TAMALIN: variants seen among roughly 807,000 people sequenced by gnomAD.
TAMALIN encodes the protein protein TAMALIN.
A neutral mutation model predicts 38.5 loss-of-function variants in TAMALIN; 9 were observed. The ratio of observed to expected loss-of-function variants is 0.23; its 90% CI spans 0.14 to 0.41. TAMALIN has a LOEUF of 0.41. Among genes scored for constraint, TAMALIN ranks in the 10% least tolerant of loss-of-function variants. The probability of loss-of-function intolerance (pLI) is 1.00; values close to 1 mark genes in which losing one functional copy is unlikely to be tolerated. For synonymous variants in TAMALIN, 306 were observed against 256.5 expected, an observed-to-expected ratio of 1.19 and a Z score of -1.85; for missense variants, 548 against 554.1, an observed-to-expected ratio of 0.99 and a Z score of 0.11.
intron 1 of TAMALIN, chr12:52,008,511 T>C (rs1042184612): frequency 3.3e-5 from 32 of 979,212 alleles, no homozygotes; most frequent in Non-Finnish European, 3.7e-5. Flanking sequence ...AAGCACAAAA[T>C]ATATGGCAAT....
Position 52,007,508 on chromosome 12 carries a change from C to G in TAMALIN, c.246+243C>G. On this transcript the variant is annotated intron_variant, in intron 1 of 7. Transcript: ENST00000293662. This position sits in a 1 kb window ranked among gnomAD's most constrained non-coding sequence, Gnocchi z 6.7. ...CCCATGCACGCCCCCTCTCTCCCTC[C>G]TTGACTCCTCCCAGCACCCCCCTTC... 1.0e-6 allele frequency: 1 copy of G among 984,308 alleles called. No homozygotes were observed. Among genetic ancestry groups the G allele is most frequent in the Non-Finnish European group, 1.2e-6 (1 of 829,044 alleles). The allele number at this position is 984,308 out of a possible 1,614,324, so 61.0% of individuals were successfully genotyped here. A position where few individuals can be genotyped will look rare whatever the true frequency, so the allele number is the denominator to read the frequency against.
At chr12:52,010,514 A>G in intron 2 of TAMALIN, 1 of 1,113,722 alleles carries the variant, frequency 9.0e-7, no homozygotes, top group Non-Finnish European at 1.1e-6. Context: ...AAAGCTGTGG[A>G]ACAGAGGAGG....
intron 3 of TAMALIN, 41 bp from the exon 4 acceptor site, chr12:52,010,998 T>C: frequency 6.2e-7 from 1 of 1,613,934 alleles, no homozygotes; most frequent in Non-Finnish European, 8.5e-7. Context: ...ATGAACGGAC[T>C]TGTCCCAACC....
rs751969014 is a variant in TAMALIN, at chr12:52,010,886, T to C, written c.302T>C (p.Val101Ala). 60 of 1,613,942 alleles carry C rather than the reference T, an allele frequency of 3.7e-5. No individual in the cohort carries two copies. The highest frequency in any genetic ancestry group is 4.7e-5 in the Non-Finnish European group (55 of 1,180,006). ...GACCCCTGTGTCTCTTGCAGGAAAG[T>C]GCTGACGTTGGAGAAGGAGGATAAC... ...LSQSPEQQRK[V>A]LTLEKEDNQT... The change falls in exon 3 of 8, where the codon GTG (valine) becomes GCG (alanine). Residue 101 changes from valine (V) to alanine (A), a missense_variant. Around this residue, in one of 3 missense-constraint regions of TAMALIN, gnomAD observed 415 missense variants for 417.0 expected, o/e 1.00. Coordinates refer to ENST00000293662, the MANE Select transcript of TAMALIN (RefSeq NM_181711.4).
At position 52,014,822 on chromosome 12, in the gene TAMALIN, G is replaced by A. The variant is rs1937753277; in HGVS notation, c.811G>A (p.Gly271Arg). Residue 271 changes from glycine (G) to arginine (R), a missense_variant, in exon 8 of 8, where the codon GGA becomes AGA. Gly to Arg is a moderately radical substitution (Grantham distance 125). This residue lies in a region of TAMALIN where 415 missense variants were observed against 417.0 expected (regional missense o/e 1.00). Transcript: ENST00000293662. ...GCTCGCCGTGCCCGGGCGTCCCCGC[G>A]GAGGCGCCCGACGGGCCAGGGGCGA... is the stretch of plus-strand genomic sequence containing the variant. ...PLLAVPGRPR[G>R]GARRARGDAD... 2.3e-6 allele frequency: 3 copies of A among 1,326,400 alleles called. No homozygotes were observed. The highest frequency in any genetic ancestry group is 1.8e-5 in the South Asian group (1 of 55,802). 82.2% of individuals were successfully genotyped at this position (1,326,400 alleles called of 1,614,324 possible). A position where few individuals can be genotyped will look rare whatever the true frequency, so the allele number is the denominator to read the frequency against.
At chr12:52,012,715 A>G (rs1314823188) in intron 4 of TAMALIN, among the ~76,000 whole-genome samples, 2 of 152,194 alleles carry the variant, frequency 1.3e-5, no homozygotes, top group Non-Finnish European at 2.9e-5. Context: ...CCTCCCCATC[A>G]TCCCTGAAGC....
chr12:52,008,108 T>C (rs1942444903), intron 1 of TAMALIN: 18 of 985,442 alleles, frequency 1.8e-5, no homozygotes, highest in Non-Finnish European at 2.0e-5. Flanking sequence ...GAAAATCATG[T>C]TGAAAGACAA....
chr12:52,009,644 C>T (rs1410568274), intron 2 of TAMALIN, among the ~76,000 whole-genome samples: 2 of 152,220 alleles, frequency 1.3e-5, no homozygotes, highest in Non-Finnish European at 2.9e-5. Flanking sequence ...TGTCCAGCTG[C>T]TTGGGGCTGG....
intron 1 of TAMALIN, among the ~76,000 whole-genome samples, 185 bp from the exon 2 acceptor site, chr12:52,009,005 G>A (rs915932011): frequency 3.3e-5 from 5 of 152,236 alleles, no homozygotes; most frequent in African/African-American, 1.2e-4. Flanking sequence ...GGCCTGTAGA[G>A]AAAGTTGAGG....
Position 52,014,709 on chromosome 12 carries a change from ACC to A in TAMALIN, c.701_702del (p.Pro234GlnfsTer120). On this transcript the variant is annotated frameshift_variant, in exon 8 of 8. Coordinates refer to ENST00000293662, the MANE Select transcript of TAMALIN (RefSeq NM_181711.4). LOFTEE classifies it low-confidence loss of function (END_TRUNC). ...CTCTGCGCAGGCCTGGTGGTGAAGG[ACC>A]CCAGCATCTACGACACGCTGGAGTC... 1 of 1,499,780 alleles carries A rather than the reference ACC, an allele frequency of 6.7e-7. No homozygotes were observed. The allele number at this position is 1,499,780 out of a possible 1,614,324, so 92.9% of individuals were successfully genotyped here.
At position 52,014,945 on chromosome 12, in the gene TAMALIN, C is replaced by A. The variant is rs1349795830; in HGVS notation, c.934C>A (p.Pro312Thr). The A allele has an allele frequency of 1.0e-6, 1 of 990,960 alleles. No homozygotes were observed. Among genetic ancestry groups the A allele is most frequent in the South Asian group, 4.6e-5 (1 of 21,878 alleles). 61.4% of individuals were successfully genotyped at this position (990,960 alleles called of 1,614,324 possible). ...CCCGGCCCGCGCCTTCGGCCCGGGC[C>A]CCGCCGAGACCCCTGCCGTGGGGCC... is the stretch of plus-strand genomic sequence containing the variant. ...PPPARAFGPG[P>T]AETPAVGPGP... The change falls in exon 8 of 8, where the codon CCC (proline) becomes ACC (threonine). Residue 312 changes from proline to threonine, a missense_variant. Pro to Thr is a conservative substitution (Grantham distance 38). Around this residue, in one of 3 missense-constraint regions of TAMALIN, gnomAD observed 415 missense variants for 417.0 expected, o/e 1.00. Coordinates refer to ENST00000293662, the MANE Select transcript of TAMALIN (RefSeq NM_181711.4).
intron 7 of TAMALIN, chr12:52,014,465 G>C (rs1415290993): frequency 1.7e-6 from 1 of 598,998 alleles, no homozygotes; most frequent in Non-Finnish European, 3.0e-6. Flanking sequence ...AAGAGTTTGT[G>C]TCAATTATTT....
At chr12:52,008,057 C>A in intron 1 of TAMALIN, 1 of 985,430 alleles carries the variant, frequency 1.0e-6, no homozygotes, top group Non-Finnish European at 1.2e-6. Context: ...CCCCAGCTAG[C>A]CCCCACACAA....
Position 52,011,605 on chromosome 12 carries a change from CT to C in TAMALIN, c.454+477del, listed in dbSNP as rs11286503. Reference sequence around the variant, plus strand: ...TTACTCCCTTTTAAAAAATTAGAAACTTTTTTTTTTTTTAAGAGACAGGGCC... The same window carrying C: ...TTACTCCCTTTTAAAAAATTAGAAACTTTTTTTTTTTTAAGAGACAGGGCC... On this transcript the variant is annotated intron_variant, in intron 4 of 7. Transcript: ENST00000293662. The surrounding 1 kb of genome is among the most constrained non-coding windows in gnomAD (Gnocchi z 5.3). Among the ~76,000 whole-genome samples the C allele has an allele frequency of 0.99, 146,862 of 149,010 alleles. 72,375 individuals carry two copies. Among genetic ancestry groups the C allele is most frequent in the South Asian group, 1 (4,642 of 4,658 alleles).
chr12:52,014,295 C>G, intron 7 of TAMALIN, 94 bp downstream of exon 7: 2 of 1,054,054 alleles, frequency 1.9e-6, no homozygotes, highest in South Asian at 1.4e-5. Context: ...TAGTAAAGAA[C>G]GGTTTACTAG....
At position 52,007,868 on chromosome 12, in the gene TAMALIN, G is replaced by A; in HGVS notation, c.246+603G>A. On this transcript the variant is annotated intron_variant, in intron 1 of 7. Coordinates refer to ENST00000293662, the MANE Select transcript of TAMALIN (RefSeq NM_181711.4). The surrounding 1 kb of genome is among the most constrained non-coding windows in gnomAD (Gnocchi z 6.7). The stretch of plus-strand genomic sequence containing the variant: ...CTTCTGTCGGAACCGGACGCAGTGG[G>A]AGGGGTCGCAGGGCGCCCGCGGGGC... The A allele has an allele frequency of 2.0e-6, 2 of 985,428 alleles. No homozygotes were observed. Among genetic ancestry groups the A allele is most frequent in the Non-Finnish European group, 2.4e-6 (2 of 829,920 alleles). The allele number at this position is 985,428 out of a possible 1,614,324, so 61.0% of individuals were successfully genotyped here. A position where few individuals can be genotyped will look rare whatever the true frequency, so the allele number is the denominator to read the frequency against.
rs1221082308 is a variant in TAMALIN at position 52,015,022 on chromosome 12, G to T, written c.1011G>T (p.Ala337=). The T allele has an allele frequency of 2.0e-4, 250 of 1,261,896 alleles. No homozygotes were observed. Among genetic ancestry groups the T allele is most frequent in the Non-Finnish European group, 2.4e-4 (238 of 1,000,262 alleles). 78.2% of individuals were successfully genotyped at this position (1,261,896 alleles called of 1,614,324 possible). ...ALSRSASVRC[A]GPGGGGGGGA... is the part of the protein sequence containing the mutation. ...GCCGCAGCGCCAGTGTGCGGTGCGC[G>T]GGCCCTGGCGGGGGCGGAGGCGGGG... Residue 337 remains alanine, a synonymous_variant, in exon 8 of 8, where the codon GCG becomes GCT. Coordinates refer to ENST00000293662, the MANE Select transcript of TAMALIN (RefSeq NM_181711.4).
Position 52,007,178 on chromosome 12 carries a change from C to T in TAMALIN, c.159C>T (p.Asp53=). The T allele has an allele frequency of 2.0e-6, 3 of 1,509,360 alleles. No individual in the cohort carries two copies. Among genetic ancestry groups the T allele is most frequent in the East Asian group, 2.8e-5 (1 of 35,422 alleles). The allele number at this position is 1,509,360 out of a possible 1,614,324, so 93.5% of individuals were successfully genotyped here. The change falls in exon 1 of 8, where the codon GAC becomes GAT. Residue 53 remains aspartate, a synonymous_variant. Transcript: ENST00000293662. The surrounding 1 kb of genome is among the most constrained non-coding windows in gnomAD (Gnocchi z 6.7). ...CCGCCACCCCTGGGCCCCCAGCGGACGAGCTGTACGCGGCGCTGGAGGACT... is the reference window on the plus strand; with the variant it reads ...CCGCCACCCCTGGGCCCCCAGCGGATGAGCTGTACGCGGCGCTGGAGGACT... ...AAAATPGPPA[D]ELYAALEDYH... is the part of the protein sequence containing the mutation.
In TAMALIN at chr12:52,010,923, C is replaced by T; in HGVS notation, c.339C>T (p.Gly113=). The T allele has an allele frequency of 1.2e-6, 2 of 1,614,184 alleles. No homozygotes were observed. Among genetic ancestry groups the T allele is most frequent in the Non-Finnish European group, 1.7e-6 (2 of 1,180,040 alleles). ...TLEKEDNQTF[G]FEIQTYGLHH... ...AGAAGGAGGATAACCAGACCTTCGGCTTTGAGATCCAGGTGGGAGAAGCTG... is the reference window on the plus strand; with the variant it reads ...AGAAGGAGGATAACCAGACCTTCGGTTTTGAGATCCAGGTGGGAGAAGCTG... The change falls in exon 3 of 8, where the codon GGC becomes GGT. Residue 113 remains glycine (G), a synonymous_variant. Coordinates refer to ENST00000293662, the MANE Select transcript of TAMALIN (RefSeq NM_181711.4).
Sources: gnomAD v4.1 joint callset for allele counts (sites outside exome capture counted in the v4.1 genomes callset) on GRCh38, gnomAD v4.1.1 for gene constraint, gnomAD v4.1.1 regional missense constraint, Gnocchi (gnomAD v3.1) non-coding constraint, MANE v1.5 for transcripts, NCBI Gene and HGNC (gene_info 2026-07-23, HGNC 2026-07-21) for gene names.